Variants in HIVEP2 observed in about 807,000 individuals in gnomAD.
The protein encoded by HIVEP2 is transcription factor HIVEP2.
Under a neutral mutation model 180.7 loss-of-function variants are expected in HIVEP2, and 14 were observed. The observed-to-expected ratio is 0.08, with a 90% confidence interval of 0.05 to 0.12. HIVEP2 has a LOEUF of 0.12. HIVEP2 is among the 10% of genes least tolerant of loss of function. HIVEP2 has a pLI of 1.00. For missense variants in HIVEP2, 2,579 were observed against 3,008.5 expected, an observed-to-expected ratio of 0.86 and a Z score of 3.34; for synonymous variants, 1,184 against 1,136.4, an observed-to-expected ratio of 1.04 and a Z score of -0.84.
At chr6:142,934,100 T>A (rs934392691) in intron 1 of HIVEP2, among the ~76,000 whole-genome samples, 1 of 152,220 alleles carries the variant, frequency 6.6e-6, no homozygotes, top group Non-Finnish European at 1.5e-5. Flanking sequence ...TGCATCAATA[T>A]CAGTCAATTA....
At chr6:142,788,104 A>G (rs1255607845) in intron 2 of HIVEP2, 1 of 152,222 alleles carries the variant, frequency 6.6e-6, no homozygotes, top group Non-Finnish European at 1.5e-5. Flanking sequence ...AAACAAACAA[A>G]AAAAGCAGAT....
chr6:142,898,470 T>C (rs998148160), intron 1 of HIVEP2, among the ~76,000 whole-genome samples: 4 of 152,108 alleles, frequency 2.6e-5, no homozygotes, highest in African/African-American at 9.7e-5. Flanking sequence ...AAGACCAGCC[T>C]GGCCAACATG....
Position 142,775,086 on chromosome 6 carries a change from G to C in HIVEP2, c.-348C>G. 9.8e-7 allele frequency: 1 copy of C among 1,024,056 alleles called. No homozygotes were observed. Among genetic ancestry groups the C allele is most frequent in the Non-Finnish European group, 1.2e-6 (1 of 855,526 alleles). The allele number at this position is 1,024,056 out of a possible 1,614,324, so 63.4% of individuals were successfully genotyped here. On this transcript the variant is annotated 5_prime_UTR_variant, in exon 5 of 10. Coordinates refer to ENST00000367603, the MANE Select transcript of HIVEP2 (RefSeq NM_006734.4). ...TAGGAGAAATTTTGCCCATCAACTA[G>C]AGCAAAGTTCAATTGCCAGTTTCAC...
At chr6:142,821,168 T>C (rs1256691513) in intron 2 of HIVEP2, among the ~76,000 whole-genome samples, 2 of 151,918 alleles carry the variant, frequency 1.3e-5, no homozygotes, top group Non-Finnish European at 2.9e-5. Flanking sequence ...CCTGAATATA[T>C]ACAAGCAAGG....
At chr6:142,864,493 C>T (rs1171694969) in intron 1 of HIVEP2, among the ~76,000 whole-genome samples, 6 of 151,934 alleles carry the variant, frequency 3.9e-5, no homozygotes, top group African/African-American at 7.3e-5. Context: ...TGTGACTTAG[C>T]GAAAAATAAT....
intron 2 of HIVEP2, among the ~76,000 whole-genome samples, chr6:142,814,194 A>C (rs1776774464): frequency 6.6e-6 from 1 of 152,112 alleles, no homozygotes; most frequent in Non-Finnish European, 1.5e-5. Flanking sequence ...AGAGAAATTG[A>C]AATGTGACAT....
In HIVEP2 at chr6:142,753,411, A is replaced by G; in HGVS notation, c.7037T>C (p.Leu2346Pro). 6.2e-7 allele frequency: 1 copy of G among 1,613,894 alleles called. No individual in the cohort carries two copies. The highest frequency in any genetic ancestry group is 1.1e-5 in the South Asian group (1 of 91,082). The change falls in exon 10 of 10, where the codon CTC becomes CCC. Residue 2346 changes from leucine (L) to proline (P), a missense_variant. Transcript: ENST00000367603. Reference protein sequence around the residue: ...LRIATEEAALLGPDQPARVQE... With the variant: ...LRIATEEAALPGPDQPARVQE... ...CACCCGCGCTGGCTGATCTGGCCCG[A>G]GCAGAGCTGCCTCTTCCGTGGCAAT...
chr6:142,907,878 C>T (rs147559450), intron 1 of HIVEP2, among the ~76,000 whole-genome samples: 1,837 of 152,290 alleles, frequency 0.012, 16 homozygotes, highest in Admixed American at 0.023. Flanking sequence ...AATAACTTTT[C>T]GATTTATTTC....
At chr6:142,931,021 A>G (rs1344242687) in intron 1 of HIVEP2, among the ~76,000 whole-genome samples, 1 of 152,142 alleles carries the variant, frequency 6.6e-6, no homozygotes, top group African/African-American at 2.4e-5. Flanking sequence ...TTGGCAACAG[A>G]TAATTATTAA....
Position 142,772,867 on chromosome 6 carries a change from C to A in HIVEP2, c.1872G>T (p.Lys624Asn). Reference protein sequence around the residue: ...MLKGISSSSLKEKKLSPGDRV... With the variant: ...MLKGISSSSLNEKKLSPGDRV... ...TGTCCCCAGGAGACAATTTCTTTTC[C>A]TTCAGGGATGAACTGCTGATACCCT... The change falls in exon 5 of 10, where the codon AAG becomes AAT. Residue 624 changes from lysine to asparagine, a missense_variant. Physicochemically the swap from Lys to Asn is moderately conservative, Grantham distance 94 (BLOSUM62 0). Coordinates refer to ENST00000367603, the MANE Select transcript of HIVEP2 (RefSeq NM_006734.4). This position sits in a 1 kb window ranked among gnomAD's most constrained non-coding sequence, Gnocchi z 4.9. The A allele has an allele frequency of 6.2e-7, 1 of 1,614,184 alleles. No homozygotes were observed. The highest frequency in any genetic ancestry group is 1.1e-5 in the South Asian group (1 of 91,082).
intron 2 of HIVEP2, among the ~76,000 whole-genome samples, chr6:142,835,688 G>A (rs567004374): frequency 1.3e-5 from 2 of 152,116 alleles, no homozygotes; most frequent in Non-Finnish European, 2.9e-5. Flanking sequence ...GGTGGCAAAT[G>A]AAGACTGAAC....
intron 4 of HIVEP2, among the ~76,000 whole-genome samples, chr6:142,775,830 T>A (rs1775683723): frequency 1.4e-5 from 1 of 72,988 alleles, no homozygotes; most frequent in Non-Finnish European, 2.7e-5. Context: ...CGAGACTCCA[T>A]CTCAAAAAAA....
At chr6:142,849,938 AC>A (rs1368960742) in intron 1 of HIVEP2, among the ~76,000 whole-genome samples, 1 of 152,236 alleles carries the variant, frequency 6.6e-6, no homozygotes, top group Non-Finnish European at 1.5e-5. Flanking sequence ...AGACAGGCCT[AC>A]TAAGCCACAG....
chr6:142,929,026 C>T (rs576678428), intron 1 of HIVEP2, among the ~76,000 whole-genome samples: 173 of 152,190 alleles, frequency 1.1e-3, no homozygotes, highest in Non-Finnish European at 1.7e-3. Flanking sequence ...TATCTGTTTC[C>T]TGAATGATCT....
chr6:142,926,816 G>C (rs930465163), intron 1 of HIVEP2, among the ~76,000 whole-genome samples: 3 of 151,600 alleles, frequency 2.0e-5, no homozygotes, highest in Admixed American at 1.3e-4. Flanking sequence ...GAGAAACTAG[G>C]TCTGGGCCGG....
intron 1 of HIVEP2, among the ~76,000 whole-genome samples, chr6:142,841,719 T>A (rs2114895419): frequency 6.6e-6 from 1 of 152,256 alleles, no homozygotes; most frequent in East Asian, 1.9e-4. Context: ...TTTTCAACAT[T>A]TTGTTGTCCC....
At chr6:142,909,736 A>G (rs1777356455) in intron 1 of HIVEP2, among the ~76,000 whole-genome samples, 1 of 152,186 alleles carries the variant, frequency 6.6e-6, no homozygotes, top group African/African-American at 2.4e-5. Context: ...GTACAACATT[A>G]AGTCCTGGAG....
At chr6:142,768,280 A>C in intron 6 of HIVEP2, 102 bp downstream of exon 6, 2 of 1,074,266 alleles carry the variant, frequency 1.9e-6, no homozygotes, top group Non-Finnish European at 2.7e-6. Context: ...ATTTACTTTC[A>C]GCTTTCAACC....
chr6:142,796,804 C>G (rs2114743317), intron 2 of HIVEP2, among the ~76,000 whole-genome samples: 1 of 152,272 alleles, frequency 6.6e-6, no homozygotes, highest in South Asian at 2.1e-4. Flanking sequence ...TGCGTCTGCA[C>G]TTTGCTGGCC....
Sources: gnomAD v4.1 joint callset for allele counts (sites outside exome capture counted in the v4.1 genomes callset) on GRCh38, gnomAD v4.1.1 for gene constraint, Gnocchi (gnomAD v3.1) non-coding constraint, MANE v1.5 for transcripts, NCBI Gene and HGNC (gene_info 2026-07-23, HGNC 2026-07-21) for gene names.